SAMD9L: variants seen among roughly 807,000 people sequenced by gnomAD.
SAMD9L encodes the protein sterile alpha motif domain containing 9 like, also known as sterile alpha motif domain-containing protein 9-like.
Under a neutral mutation model 90.7 loss-of-function variants are expected in SAMD9L, and 68 were observed. The ratio of observed to expected loss-of-function variants is 0.75; its 90% CI spans 0.62 to 0.92. The LOEUF (loss-of-function observed/expected upper bound fraction) is 0.92, where lower values mean the gene tolerates loss of function less well. Ranked by LOEUF, SAMD9L falls within the 40% of genes least tolerant of loss-of-function variation. The pLI is 0.00. For missense variants in SAMD9L, 1,604 were observed against 1,824.3 expected, an observed-to-expected ratio of 0.88 and a Z score of 2.20; for synonymous variants, 640 against 630.1, an observed-to-expected ratio of 1.02 and a Z score of -0.23.
In SAMD9L at chr7:93,131,148, G is replaced by T; in HGVS notation, c.*69C>A. On this transcript the variant is annotated 3_prime_UTR_variant, in exon 5 of 5. Transcript: ENST00000318238. Reference sequence around the variant, plus strand: ...CCATAATGTTATGAAAGTGCCATGAGAATAGAGAGAGAGAATAAAATCATA... The same window carrying T: ...CCATAATGTTATGAAAGTGCCATGATAATAGAGAGAGAGAATAAAATCATA... 9.7e-7 allele frequency: 1 copy of T among 1,032,922 alleles called. No individual in the cohort carries two copies. Among genetic ancestry groups the T allele is most frequent in the South Asian group, 1.8e-5 (1 of 56,470 alleles). 64.0% of individuals were successfully genotyped at this position (1,032,922 alleles called of 1,614,324 possible).
At position 93,130,225 on chromosome 7, in the gene SAMD9L, A is replaced by C. The variant is rs1792028613; in HGVS notation, c.*992T>G. 6.6e-6 allele frequency: 1 copy of C among 152,140 alleles called. No homozygotes were observed. Among genetic ancestry groups the C allele is most frequent in the Non-Finnish European group, 1.5e-5 (1 of 68,030 alleles). 9.4% of individuals were successfully genotyped at this position (152,140 alleles called of 1,614,324 possible). A position where few individuals can be genotyped will look rare whatever the true frequency, so the allele number is the denominator to read the frequency against. On this transcript the variant is annotated 3_prime_UTR_variant, in exon 5 of 5. Coordinates refer to ENST00000318238, the MANE Select transcript of SAMD9L (RefSeq NM_152703.5). ...AGCTTCTGGGATGGCATTCCTTGACACTGAAAACTTGAGAACACATATTAC... is the reference window on the plus strand; with the variant it reads ...AGCTTCTGGGATGGCATTCCTTGACCCTGAAAACTTGAGAACACATATTAC...
Position 93,134,440 on chromosome 7 carries a change from G to A in SAMD9L, c.1532C>T (p.Pro511Leu). 2 of 1,613,908 alleles carry A rather than the reference G, an allele frequency of 1.2e-6. No homozygotes were observed. Among genetic ancestry groups the A allele is most frequent in the Non-Finnish European group, 1.7e-6 (2 of 1,179,862 alleles). ...RSDLKSETYKPLEPHLWQRER... is the reference protein window; with the variant it reads ...RSDLKSETYKLLEPHLWQRER... Reference sequence around the variant, plus strand: ...TCTCTGCCATAAATGTGGTTCTAGAGGTTTATATGTCTCGCTTTTCAGGTC... The same window carrying A: ...TCTCTGCCATAAATGTGGTTCTAGAAGTTTATATGTCTCGCTTTTCAGGTC... The change falls in exon 5 of 5, where the codon CCT (proline) becomes CTT (leucine). Residue 511 changes from proline (P) to leucine (L), a missense_variant. This residue lies in a region of SAMD9L where 606 missense variants were observed against 717.6 expected (regional missense o/e 0.84). Transcript: ENST00000318238.
Position 93,145,682 on chromosome 7 carries a change from C to G in SAMD9L, c.-420G>C, listed in dbSNP as rs1381566366. 1 of 152,158 alleles carries G rather than the reference C, an allele frequency of 6.6e-6. No individual in the cohort carries two copies. Among genetic ancestry groups the G allele is most frequent in the Non-Finnish European group, 1.5e-5 (1 of 68,026 alleles). 9.4% of individuals were successfully genotyped at this position (152,158 alleles called of 1,614,324 possible). On this transcript the variant is annotated 5_prime_UTR_variant, in exon 3 of 5. Coordinates refer to ENST00000318238, the MANE Select transcript of SAMD9L (RefSeq NM_152703.5). ...AATGTTTATGAAACAGATTTTCCCC[C>G]CAACTTTCTACTATGAAAATGTTTG...
At position 93,130,978 on chromosome 7, in the gene SAMD9L, T is replaced by C; in HGVS notation, c.*239A>G. The C allele has an allele frequency of 2.6e-6, 1 of 383,922 alleles. No homozygotes were observed. The highest frequency in any genetic ancestry group is 4.6e-6 in the Non-Finnish European group (1 of 216,564). 23.8% of individuals were successfully genotyped at this position (383,922 alleles called of 1,614,324 possible). On this transcript the variant is annotated 3_prime_UTR_variant, in exon 5 of 5. Coordinates refer to ENST00000318238, the MANE Select transcript of SAMD9L (RefSeq NM_152703.5). ...GTGGATATCAATGAAACTTCTTAAT[T>C]ATTTGAGTCTGAAAATGCATATTTA...
Position 93,132,386 on chromosome 7 carries a change from A to G in SAMD9L, c.3586T>C (p.Cys1196Arg). 6.2e-7 allele frequency: 1 copy of G among 1,613,918 alleles called. No individual in the cohort carries two copies. Among genetic ancestry groups the G allele is most frequent in the South Asian group, 1.1e-5 (1 of 91,062 alleles). The change falls in exon 5 of 5, where the codon TGT becomes CGT. Residue 1196 changes from cysteine to arginine, a missense_variant. Physicochemically the swap from Cys to Arg is radical, Grantham distance 180. Around this residue, in one of 7 missense-constraint regions of SAMD9L, gnomAD observed 302 missense variants for 314.7 expected, o/e 0.96. Transcript: ENST00000318238. ...CCAACTTCTATTTCACCCAAGAAAC[A>G]AGCTGTGTTATACATGTCATATCGT... ...QRRYDMYNTA[C>R]FLGEIEVGLY...
chr7:93,136,064 A>G, intron 4 of SAMD9L, 73 bp from the exon 5 acceptor site: 1 of 958,686 alleles, frequency 1.0e-6, no homozygotes. Flanking sequence ...AATTATGTAT[A>G]CATTATCATA....
Position 93,135,723 on chromosome 7 carries a change from G to A in SAMD9L, c.249C>T (p.Asp83=). Residue 83 remains aspartate, a synonymous_variant, in exon 5 of 5, where the codon GAC becomes GAT. Coordinates refer to ENST00000318238, the MANE Select transcript of SAMD9L (RefSeq NM_152703.5). ...NKLNSKSPES[D]NHDPGQLDNS... ...TATCTAATTGTCCCGGATCATGATT[G>A]TCACTTTCAGGGGACTTACTATTCA... is the stretch of plus-strand genomic sequence containing the variant. The A allele has an allele frequency of 6.2e-7, 1 of 1,614,032 alleles. No individual in the cohort carries two copies.
In SAMD9L at chr7:93,132,393, G is replaced by A; in HGVS notation, c.3579C>T (p.Asn1193=). 1 of 1,613,906 alleles carries A rather than the reference G, an allele frequency of 6.2e-7. No individual in the cohort carries two copies. The highest frequency in any genetic ancestry group is 8.5e-7 in the Non-Finnish European group (1 of 1,179,842). The change falls in exon 5 of 5, where the codon AAC becomes AAT. Residue 1193 remains asparagine, a synonymous_variant. Transcript: ENST00000318238. The part of the protein sequence containing the change: ...QKSQRRYDMY[N]TACFLGEIEV... The stretch of plus-strand genomic sequence containing the variant: ...CTATTTCACCCAAGAAACAAGCTGT[G>A]TTATACATGTCATATCGTCTCTGGG...
In SAMD9L at chr7:93,135,668, T is replaced by G; in HGVS notation, c.304A>C (p.Lys102Gln). 1 of 1,614,126 alleles carries G rather than the reference T, an allele frequency of 6.2e-7. No homozygotes were observed. Among genetic ancestry groups the G allele is most frequent in the Non-Finnish European group, 8.5e-7 (1 of 1,179,982 alleles). ...TCCTTTTTGGTGTGTTTTGGATTTT[T>G]CTGGTGTTCTGTTTTGGACGGTTTT... Reference protein sequence around the residue: ...NSKPSKTEHQKNPKHTKKEEE... With the variant: ...NSKPSKTEHQQNPKHTKKEEE... Residue 102 changes from lysine (K) to glutamine (Q), a missense_variant, in exon 5 of 5, where the codon AAA becomes CAA. Physicochemically the swap from Lys to Gln is moderately conservative, Grantham distance 53. This residue lies in a region of SAMD9L where 374 missense variants were observed against 363.6 expected (regional missense o/e 1.03). Coordinates refer to ENST00000318238, the MANE Select transcript of SAMD9L (RefSeq NM_152703.5).
At position 93,133,379 on chromosome 7, in the gene SAMD9L, C is replaced by T. The variant is rs1236355399; in HGVS notation, c.2593G>A (p.Glu865Lys). Reference protein sequence around the residue: ...IALNYQLSSKEQRAFGAKLKE... With the variant: ...IALNYQLSSKKQRAFGAKLKE... ...AGTTTGGCACCAAAAGCTCTTTGTT[C>T]CTTGGAAGAAAGTTGGTAATTTAGT... is the stretch of plus-strand genomic sequence containing the variant. Residue 865 changes from glutamate (E) to lysine (K), a missense_variant, in exon 5 of 5, where the codon GAA (glutamate) becomes AAA (lysine). Glu to Lys is a moderately conservative substitution (Grantham distance 56). Transcript: ENST00000318238. 6.2e-7 allele frequency: 1 copy of T among 1,613,546 alleles called. No individual in the cohort carries two copies. The highest frequency in any genetic ancestry group is 1.3e-5 in the African/African-American group (1 of 74,898).
In SAMD9L at chr7:93,134,720, T is replaced by G; in HGVS notation, c.1252A>C (p.Ile418Leu). 1 of 1,613,588 alleles carries G rather than the reference T, an allele frequency of 6.2e-7. No homozygotes were observed. The highest frequency in any genetic ancestry group is 8.5e-7 in the Non-Finnish European group (1 of 1,179,918). The change falls in exon 5 of 5, where the codon ATT becomes CTT. Residue 418 changes from isoleucine to leucine, a missense_variant. Transcript: ENST00000318238. ...SLDNSYYDWY[I>L]LVTNKCHPNQ... is the part of the protein sequence containing the mutation. ...GGATGGCATTTATTTGTTACAAGAATGTACCAGTCATAGTATGAATTATCC... is the reference window on the plus strand; with the variant it reads ...GGATGGCATTTATTTGTTACAAGAAGGTACCAGTCATAGTATGAATTATCC...
At chr7:93,139,531 A>AT in intron 4 of SAMD9L, among the ~76,000 whole-genome samples, 1 of 152,282 alleles carries the variant, frequency 6.6e-6, no homozygotes, top group South Asian at 2.1e-4. Context: ...GGTTAGTGTG[A>AT]TGTTTCTACA....
At position 93,134,877 on chromosome 7, in the gene SAMD9L, T is replaced by G. The variant is rs1792346632; in HGVS notation, c.1095A>C (p.Ala365=). Residue 365 remains alanine, a synonymous_variant, in exon 5 of 5, where the codon GCA becomes GCC. Transcript: ENST00000318238. The part of the protein sequence containing the change: ...NSKQRDVDFK[A]FLQNLKSLVA... ...CCAGTGACTTTAAATTTTGTAAAAA[T>G]GCCTTGAAATCTACATCCCGTTGCT... is the stretch of plus-strand genomic sequence containing the variant. The G allele has an allele frequency of 1.9e-6, 3 of 1,614,004 alleles. No individual in the cohort carries two copies. In the East Asian group the frequency reaches 6.7e-5, roughly 36 times the overall value.
In SAMD9L at chr7:93,131,695, G is replaced by T; in HGVS notation, c.4277C>A (p.Pro1426His). Residue 1426 changes from proline (P) to histidine (H), a missense_variant, in exon 5 of 5, where the codon CCT becomes CAT. By Grantham distance (77) the Pro-to-His change is moderately conservative. Coordinates refer to ENST00000318238, the MANE Select transcript of SAMD9L (RefSeq NM_152703.5). ...FVGLSHQYPG[P>H]YFLACLLFWP... ...GAACAGGAGGCAGGCCAAGAAATAA[G>T]GACCTGGATATTGATGACTTAGTCC... 6.2e-7 allele frequency: 1 copy of T among 1,613,908 alleles called. No homozygotes were observed. Among genetic ancestry groups the T allele is most frequent in the Non-Finnish European group, 8.5e-7 (1 of 1,179,876 alleles).
Position 93,131,406 on chromosome 7 carries a change from C to T in SAMD9L, c.4566G>A (p.Leu1522=), listed in dbSNP as rs1792084997. ...CTTCAGCCTGACCAGTTAGACGACGCAGGAGGTCTTTGACTTCATTTTTTT... is the reference window on the plus strand; with the variant it reads ...CTTCAGCCTGACCAGTTAGACGACGTAGGAGGTCTTTGACTTCATTTTTTT... The part of the protein sequence containing the change: ...VWKKNEVKDL[L]RRLTGQAEGK... Residue 1522 remains leucine, a synonymous_variant, in exon 5 of 5, where the codon CTG becomes CTA. Coordinates refer to ENST00000318238, the MANE Select transcript of SAMD9L (RefSeq NM_152703.5). 2 of 1,613,582 alleles carry T rather than the reference C, an allele frequency of 1.2e-6. No homozygotes were observed. Among genetic ancestry groups the T allele is most frequent in the Admixed American group, 1.7e-5 (1 of 59,876 alleles).
rs761690556 is a variant in SAMD9L, at chr7:93,132,907, T to C, written c.3065A>G (p.Tyr1022Cys). 1.9e-6 allele frequency: 3 copies of C among 1,613,520 alleles called. No homozygotes were observed. Among genetic ancestry groups the C allele is most frequent in the East Asian group, 2.2e-5 (1 of 44,868 alleles). The change falls in exon 5 of 5, where the codon TAT (tyrosine) becomes TGT (cysteine). Residue 1022 changes from tyrosine (Y) to cysteine (C), a missense_variant. Physicochemically the swap from Tyr to Cys is radical, Grantham distance 194. Coordinates refer to ENST00000318238, the MANE Select transcript of SAMD9L (RefSeq NM_152703.5). ...TTTGTCTCTTCCTATTCCAGAATCA[T>C]AGAATAAATTCTCTTCTAATATATT... Reference protein sequence around the residue: ...ALNILEENLFYDSGIGRDKFQ... With the variant: ...ALNILEENLFCDSGIGRDKFQ...
In SAMD9L at chr7:93,135,587, T is replaced by G. The variant is rs149275726; in HGVS notation, c.385A>C (p.Ile129Leu). The G allele has an allele frequency of 7.4e-5, 120 of 1,613,886 alleles. No homozygotes were observed. Among genetic ancestry groups the G allele is most frequent in the Non-Finnish European group, 9.9e-5 (117 of 1,179,934 alleles). ...IDYDPREIRD[I>L]KQEESILMKE... ...ATAAGAATTGATTCTTCTTGTTTGA[T>G]ATCTCTGATCTCTCTGGGATCATAA... The change falls in exon 5 of 5, where the codon ATC becomes CTC. Residue 129 changes from isoleucine (I) to leucine (L), a missense_variant. By Grantham distance (5) the Ile-to-Leu change is conservative. Around this residue, in one of 7 missense-constraint regions of SAMD9L, gnomAD observed 374 missense variants for 363.6 expected, o/e 1.03. Transcript: ENST00000318238.
chr7:93,134,539 GTTGTC>G lies in SAMD9L; in HGVS notation c.1428_1432del (p.Lys476AsnfsTer2). On this transcript the variant is annotated frameshift_variant, in exon 5 of 5. Coordinates refer to ENST00000318238, the MANE Select transcript of SAMD9L (RefSeq NM_152703.5). LOFTEE classifies it high-confidence loss of function. ...AGTAGAAATCTTCTCCCACATGTTA[GTTGTC>G]TTGTCTTCATATTGATTTGGAAAGT... 6.2e-7 allele frequency: 1 copy of G among 1,613,914 alleles called. No individual in the cohort carries two copies. The highest frequency in any genetic ancestry group is 8.5e-7 in the Non-Finnish European group (1 of 1,179,906).
chr7:93,132,562 C>A lies in SAMD9L; in HGVS notation c.3410G>T (p.Gly1137Val). ...YKSEIKWWLD[G>V]NKNCRSITVN... ...AGTAATGCTCCTACAGTTTTTGTTC[C>A]CATCCAACCACCATTTGATTTCACT... is the stretch of plus-strand genomic sequence containing the variant. The change falls in exon 5 of 5, where the codon GGG (glycine) becomes GTG (valine). Residue 1137 changes from glycine (G) to valine (V), a missense_variant. Transcript: ENST00000318238. The A allele has an allele frequency of 6.2e-7, 1 of 1,613,730 alleles. No homozygotes were observed. Among genetic ancestry groups the A allele is most frequent in the South Asian group, 1.1e-5 (1 of 91,032 alleles).
Sources: gnomAD v4.1 joint callset for allele counts (sites outside exome capture counted in the v4.1 genomes callset) on GRCh38, gnomAD v4.1.1 for gene constraint, gnomAD v4.1.1 regional missense constraint, MANE v1.5 for transcripts, NCBI Gene and HGNC (gene_info 2026-07-23, HGNC 2026-07-21) for gene names.